KCNMA1: variants seen among roughly 807,000 people sequenced by gnomAD.
The protein encoded by KCNMA1 is potassium calcium-activated channel subfamily M alpha 1, also known as Calcium-activated potassium channel subunit alpha-1.
KCNMA1 carries 29 observed loss-of-function variants against 140.0 expected under a neutral mutation model. The ratio of observed to expected loss-of-function variants is 0.21; its 90% CI spans 0.15 to 0.28. The LOEUF is 0.28. KCNMA1 is among the 10% of genes least tolerant of loss of function. The probability of loss-of-function intolerance (pLI) is 1.00; values close to 1 mark genes in which losing one functional copy is unlikely to be tolerated. For missense variants in KCNMA1, 880 were observed against 1,602.2 expected (o/e 0.55, Z 7.70); for synonymous variants, 612 against 611.9 (o/e 1.00, Z 0.00).
rs924001482 is a variant in KCNMA1, at chr10:76,886,884, T to A, written c.*382A>T. On this transcript the variant is annotated 3_prime_UTR_variant, in exon 28 of 28. Coordinates refer to ENST00000286628, the MANE Select transcript of KCNMA1 (RefSeq NM_001161352.2). ...ATCAAAACCCAAAGCACCCTGATAA[T>A]CCTGATAAATCAGAATCAACTTTTC... 1.8e-6 allele frequency: 2 copies of A among 1,118,872 alleles called. No individual in the cohort carries two copies. The highest frequency in any genetic ancestry group is 2.2e-6 in the Non-Finnish European group (2 of 908,938). 69.3% of individuals were successfully genotyped at this position (1,118,872 alleles called of 1,614,324 possible).
At chr10:76,979,564 A>C (rs1217918621) in intron 19 of KCNMA1, 2 of 151,874 alleles carry the variant, frequency 1.3e-5, no homozygotes, top group Non-Finnish European at 2.9e-5. Flanking sequence ...TGCTGTTTAC[A>C]TTCTTTAAAT....
chr10:77,109,406 A>C (rs80209308), intron 8 of KCNMA1, among the ~76,000 whole-genome samples: 3 of 1,384 alleles, frequency 2.2e-3, no homozygotes, highest in Non-Finnish European at 6.7e-3. Context: ...CATAAATGGC[A>C]AAAAAAAATC....
At chr10:77,141,460 G>A (rs2098168068) in intron 5 of KCNMA1, among the ~76,000 whole-genome samples, 1 of 152,190 alleles carries the variant, frequency 6.6e-6, no homozygotes, top group South Asian at 2.1e-4. Flanking sequence ...AGAGAGACCA[G>A]AGAGTTTGCT....
intron 1 of KCNMA1, among the ~76,000 whole-genome samples, chr10:77,493,618 T>G (rs1167952607): frequency 1.3e-5 from 2 of 152,206 alleles, no homozygotes; most frequent in African/African-American, 2.4e-5. Context: ...GCCACATGTT[T>G]AACACCACGT....
At chr10:77,460,504 TG>T (rs1476019891) in intron 1 of KCNMA1, among the ~76,000 whole-genome samples, 2 of 151,760 alleles carry the variant, frequency 1.3e-5, no homozygotes, top group Non-Finnish European at 2.9e-5. Flanking sequence ...AATGGATGGC[TG>T]GATAAAGAAA....
intron 5 of KCNMA1, among the ~76,000 whole-genome samples, chr10:77,140,058 G>A (rs2098131488): frequency 6.6e-6 from 1 of 152,148 alleles, no homozygotes. Context: ...ATAACATTCA[G>A]GAGCACTAGA....
chr10:76,886,332 C>T lies in KCNMA1; in HGVS notation c.*934G>A. 1 of 985,016 alleles carries T rather than the reference C, an allele frequency of 1.0e-6. No individual in the cohort carries two copies. The allele number at this position is 985,016 out of a possible 1,614,324, so 61.0% of individuals were successfully genotyped here. On this transcript the variant is annotated 3_prime_UTR_variant, in exon 28 of 28. Coordinates refer to ENST00000286628, the MANE Select transcript of KCNMA1 (RefSeq NM_001161352.2). ...TATTCTGTACATAAGGTAAGTAATT[C>T]ACCTTTTAAAAGATGTAAAAGTCCC...
chr10:77,636,836 C>A, intron 1 of KCNMA1: 1 of 1,432,278 alleles, frequency 7.0e-7, no homozygotes, highest in Non-Finnish European at 9.1e-7. Context: ...CGGATGTGCT[C>A]CCTCTCGCCC....
intron 3 of KCNMA1, among the ~76,000 whole-genome samples, chr10:77,197,116 C>T (rs545904302): frequency 3.9e-5 from 6 of 152,164 alleles, no homozygotes; most frequent in South Asian, 2.1e-4. Flanking sequence ...TTAACAAATG[C>T]GATATTTCTT....
At chr10:77,085,886 T>G (rs1018690964) in intron 11 of KCNMA1, among the ~76,000 whole-genome samples, 1 of 152,162 alleles carries the variant, frequency 6.6e-6, no homozygotes, top group Non-Finnish European at 1.5e-5. Flanking sequence ...CCTTGTACCT[T>G]TCCCTTCTAA....
At chr10:77,287,369 A>G (rs181272108) in intron 2 of KCNMA1, among the ~76,000 whole-genome samples, 129 of 152,290 alleles carry the variant, frequency 8.5e-4, no homozygotes, top group African/African-American at 2.8e-3. Flanking sequence ...AGCACAGACT[A>G]TCTACCTACA....
chr10:77,528,662 T>C (rs1383373124), intron 1 of KCNMA1, among the ~76,000 whole-genome samples: 1 of 95,818 alleles, frequency 1.0e-5, no homozygotes, highest in Non-Finnish European at 1.8e-5. Flanking sequence ...TACACAAGTG[T>C]TCATAGCAGC....
chr10:77,453,897 G>C (rs2097709763), intron 1 of KCNMA1, among the ~76,000 whole-genome samples: 1 of 152,154 alleles, frequency 6.6e-6, no homozygotes, highest in Non-Finnish European at 1.5e-5. Flanking sequence ...CCACCAGCCA[G>C]AGTGGAAACC....
exon 28 of KCNMA1, chr10:76,871,026 C>T (rs769249172): frequency 6.6e-6 from 1 of 152,208 alleles, no homozygotes; most frequent in Non-Finnish European, 1.5e-5. Context: ...TTATTTTGCT[C>T]CTTCTTAGTC....
At chr10:77,134,900 A>G (rs1440040387) in intron 5 of KCNMA1, among the ~76,000 whole-genome samples, 1 of 146,754 alleles carries the variant, frequency 6.8e-6, no homozygotes, top group Admixed American at 6.8e-5. Flanking sequence ...CGGCAGGCTG[A>G]GGCAGGAGAA....
At chr10:77,329,346 C>G (rs2085447622) in intron 2 of KCNMA1, among the ~76,000 whole-genome samples, 2 of 152,236 alleles carry the variant, frequency 1.3e-5, no homozygotes, top group South Asian at 4.2e-4. Context: ...GAGGCAAAGC[C>G]TTTGGAAGCT....
chr10:76,893,247 C>T (rs2040985123), intron 25 of KCNMA1, among the ~76,000 whole-genome samples: 1 of 152,146 alleles, frequency 6.6e-6, no homozygotes, highest in African/African-American at 2.4e-5. Flanking sequence ...TAGAAACATG[C>T]TTGGTGCACA....
intron 2 of KCNMA1, among the ~76,000 whole-genome samples, chr10:77,285,749 CT>C (rs1206573322): frequency 6.6e-6 from 1 of 152,180 alleles, no homozygotes. Flanking sequence ...TGCTCAAATG[CT>C]GCCTCTGCCC....
chr10:77,418,938 C>A (rs1273490149), intron 1 of KCNMA1, among the ~76,000 whole-genome samples: 3 of 152,180 alleles, frequency 2.0e-5, no homozygotes, highest in African/African-American at 7.2e-5. Flanking sequence ...CCTCCTTCTA[C>A]AAATACAGAT....
Sources: allele counts gnomAD v4.1 joint callset (sites outside exome capture counted in the v4.1 genomes callset), GRCh38; gene constraint gnomAD v4.1.1; transcripts MANE v1.5; gene names NCBI Gene and HGNC (gene_info 2026-07-23, HGNC 2026-07-21).